Variants in CANX observed in about 807,000 individuals in gnomAD.
The protein encoded by CANX is calnexin, also known as epididymis secretory sperm binding protein.
CANX carries 14 observed loss-of-function variants against 75.7 expected under a neutral mutation model. That is an observed-to-expected ratio of 0.19 (90% CI 0.12 to 0.29). The LOEUF (loss-of-function observed/expected upper bound fraction) is 0.29, where lower values mean the gene tolerates loss of function less well. Among genes scored for constraint, CANX ranks in the 10% least tolerant of loss-of-function variants. CANX has a pLI of 1.00. For missense variants in CANX, 567 were observed against 713.2 expected (o/e 0.79, Z 2.34); for synonymous variants, 227 against 236.9 (o/e 0.96, Z 0.38).
intron 5 of CANX, 132 bp downstream of exon 5, chr5:179,708,512 A>C: frequency 1.5e-6 from 1 of 670,700 alleles, no homozygotes; most frequent in Middle Eastern, 2.8e-4. Context: ...GTGAATTTAA[A>C]CACCTTGTAA....
chr5:179,716,204 G>A lies in CANX; in HGVS notation c.821G>A (p.Arg274His), dbSNP rs970217783. The A allele has an allele frequency of 2.9e-5, 46 of 1,613,850 alleles. No individual in the cohort carries two copies. Among genetic ancestry groups the A allele is most frequent in the East Asian group, 4.5e-5 (2 of 44,884 alleles). Residue 274 changes from arginine to histidine, a missense_variant, in exon 8 of 15, where the codon CGT becomes CAT. By Grantham distance (29) the Arg-to-His change is conservative (BLOSUM62 0). Around this residue, in one of 3 missense-constraint regions of CANX, gnomAD observed 351 missense variants for 433.8 expected, o/e 0.81. Coordinates refer to ENST00000247461, the MANE Select transcript of CANX (RefSeq NM_001746.4). ...ATGACTCCTCCTGTAAATCCTTCACGTGAAATTGAGGACCCAGAAGACCGG... is the reference window on the plus strand; with the variant it reads ...ATGACTCCTCCTGTAAATCCTTCACATGAAATTGAGGACCCAGAAGACCGG... ...NDMTPPVNPSREIEDPEDRKP... is the reference protein window; with the variant it reads ...NDMTPPVNPSHEIEDPEDRKP...
chr5:179,688,385 A>G (rs1369020259), intron 1 of CANX, among the ~76,000 whole-genome samples: 3 of 90,874 alleles, frequency 3.3e-5, no homozygotes, highest in African/African-American at 9.2e-5. Flanking sequence ...TTTTTTTGAG[A>G]CGGAGTCTCA....
chr5:179,722,965 T>C lies in CANX; in HGVS notation c.1344T>C (p.Asp448=). ...FIICADRRIV[D]DWANDGWGLK... is the part of the protein sequence containing the mutation. The stretch of plus-strand genomic sequence containing the variant: ...TTTGTGCTGATCGAAGAATAGTTGA[T>C]GATTGGGCCAATGATGGATGGGGCC... Residue 448 remains aspartate, a synonymous_variant, in exon 11 of 15, where the codon GAT becomes GAC. Coordinates refer to ENST00000247461, the MANE Select transcript of CANX (RefSeq NM_001746.4). 1 of 1,614,192 alleles carries C rather than the reference T, an allele frequency of 6.2e-7. No individual in the cohort carries two copies. The highest frequency in any genetic ancestry group is 2.2e-5 in the East Asian group (1 of 44,884).
At chr5:179,694,274 A>G, upstream of CANX, 1 of 495,084 alleles carries the variant, frequency 2.0e-6, no homozygotes, top group Non-Finnish European at 3.7e-6. Context: ...GCAGAGAAGA[A>G]TGTAAAAAGA....
chr5:179,727,441 T>C (rs1778735775), intron 14 of CANX, among the ~76,000 whole-genome samples: 1 of 152,182 alleles, frequency 6.6e-6, no homozygotes, highest in South Asian at 2.1e-4. Context: ...GTAGAGAACT[T>C]TTCCATGGGG....
chr5:179,679,958 CTTTTTTTT>C (rs34916199), intron 1 of CANX, among the ~76,000 whole-genome samples: 4 of 59,348 alleles, frequency 6.7e-5, no homozygotes, highest in Non-Finnish European at 1.3e-4. Flanking sequence ...TGCGCCTGGC[CTTTTTTTT>C]TTTTTTTTTT....
rs564131238 is a variant in CANX, at chr5:179,729,985, G to A, written c.*1341G>A. The A allele has an allele frequency of 6.6e-6, 1 of 152,398 alleles. No individual in the cohort carries two copies. The highest frequency in any genetic ancestry group is 2.1e-4 in the South Asian group (1 of 4,820). 9.4% of individuals were successfully genotyped at this position (152,398 alleles called of 1,614,324 possible). A position where few individuals can be genotyped will look rare whatever the true frequency, so the allele number is the denominator to read the frequency against. ...AGTCCTGTTCAAATTTTTTTTTAAC[G>A]TGGCTTGTAGAATTTTTAAAAAAGT... On this transcript the variant is annotated 3_prime_UTR_variant, in exon 15 of 15. Transcript: ENST00000247461.
At chr5:179,680,728 G>A in intron 1 of CANX, 1 of 594,556 alleles carries the variant, frequency 1.7e-6, no homozygotes, top group Non-Finnish European at 3.0e-6. Flanking sequence ...GAAAAAGGGA[G>A]CTATGTGTTG....
At chr5:179,706,476 C>T (rs1349906230) in intron 3 of CANX, 145 bp downstream of exon 3, 3 of 517,994 alleles carry the variant, frequency 5.8e-6, no homozygotes, top group Non-Finnish European at 1.0e-5. Context: ...CAGAATTTCG[C>T]TCTTTTGCCT....
Position 179,723,518 on chromosome 5 carries a change from C to T in CANX, c.1399-142C>T, listed in dbSNP as rs905209052. ...AGAGGATGGAGGCTTTCTCTAATTTCTTTTTTACATTTTATGAGCATTTTC... is the reference window on the plus strand; with the variant it reads ...AGAGGATGGAGGCTTTCTCTAATTTTTTTTTTACATTTTATGAGCATTTTC... On this transcript the variant is annotated intron_variant, in intron 11 of 14. Coordinates refer to ENST00000247461, the MANE Select transcript of CANX (RefSeq NM_001746.4). The T allele has an allele frequency of 8.7e-6, 7 of 806,740 alleles. No homozygotes were observed. The South Asian group carries it at 1.4e-4, about 16-fold the overall frequency. The allele number at this position is 806,740 out of a possible 1,614,324, so 50.0% of individuals were successfully genotyped here. A position where few individuals can be genotyped will look rare whatever the true frequency, so the allele number is the denominator to read the frequency against.
intron 1 of CANX, chr5:179,680,992 C>T: frequency 7.5e-7 from 1 of 1,337,552 alleles, no homozygotes; most frequent in Non-Finnish European, 1.0e-6. Flanking sequence ...TTGTGCCTCA[C>T]CTGGAAGATG....
intron 8 of CANX, among the ~76,000 whole-genome samples, chr5:179,717,906 G>A (rs1411069378): frequency 6.6e-6 from 1 of 151,960 alleles, no homozygotes; most frequent in Non-Finnish European, 1.5e-5. Flanking sequence ...AGTAGACACG[G>A]GGTTTTACCA....
chr5:179,682,703 C>CT (rs1776097953), intron 1 of CANX, among the ~76,000 whole-genome samples: 1 of 99,790 alleles, frequency 1.0e-5, no homozygotes, highest in African/African-American at 4.4e-5. Context: ...GAGCGAGACT[C>CT]TGTCTCAAAA....
At chr5:179,680,925 C>T in intron 1 of CANX, 1 of 1,536,290 alleles carries the variant, frequency 6.5e-7, no homozygotes, top group Non-Finnish European at 8.7e-7. Context: ...ACATCCAGGC[C>T]CACCCTTGAG....
At chr5:179,716,383 C>T in intron 8 of CANX, 89 bp downstream of exon 8, 1 of 904,374 alleles carries the variant, frequency 1.1e-6, no homozygotes, top group Non-Finnish European at 1.7e-6. Flanking sequence ...TGAGTAAGCT[C>T]TGATAATTTC....
chr5:179,713,721 C>T (rs1777732081), intron 7 of CANX, among the ~76,000 whole-genome samples: 1 of 151,122 alleles, frequency 6.6e-6, no homozygotes, highest in Non-Finnish European at 1.5e-5. Flanking sequence ...AGTTCTAGAC[C>T]AGCCCGGGCA....
chr5:179,702,169 G>C (rs898217469), intron 1 of CANX, among the ~76,000 whole-genome samples: 6 of 151,532 alleles, frequency 4.0e-5, no homozygotes, highest in African/African-American at 1.5e-4. Context: ...TCAGTCTCCT[G>C]AGTAGCTGGA....
At chr5:179,694,254 G>T, upstream of CANX, 2 of 416,770 alleles carry the variant, frequency 4.8e-6, no homozygotes, top group Non-Finnish European at 8.8e-6. Context: ...TGTCTTCTTT[G>T]TGCAGACATG....
chr5:179,683,374 C>A (rs994239126), intron 1 of CANX, among the ~76,000 whole-genome samples: 2 of 151,882 alleles, frequency 1.3e-5, no homozygotes, highest in Non-Finnish European at 2.9e-5. Context: ...ACCTTGTGAT[C>A]CGCCCACCTC....
Sources: allele counts gnomAD v4.1 joint callset (sites outside exome capture counted in the v4.1 genomes callset), GRCh38; gene constraint gnomAD v4.1.1; regional missense constraint gnomAD v4.1.1; transcripts MANE v1.5; gene names NCBI Gene and HGNC (gene_info 2026-07-23, HGNC 2026-07-21).